Variants in KCNH5 observed in about 807,000 individuals in gnomAD.
KCNH5 encodes potassium voltage-gated channel subfamily H member 5.
A neutral mutation model predicts 96.1 loss-of-function variants in KCNH5; 46 were observed. That is an observed-to-expected ratio of 0.48 (90% CI 0.38 to 0.61). KCNH5 has a LOEUF of 0.61. KCNH5 is among the 20% of genes least tolerant of loss of function. The probability of loss-of-function intolerance (pLI) is 0.00; values close to 1 mark genes in which losing one functional copy is unlikely to be tolerated. For synonymous variants in KCNH5, 439 were observed against 449.8 expected, an observed-to-expected ratio of 0.98 and a Z score of 0.30; for missense variants, 907 against 1,225.8, an observed-to-expected ratio of 0.74 and a Z score of 3.88.
chr14:62,862,220 A>G (rs1888050265), intron 7 of KCNH5, among the ~76,000 whole-genome samples: 1 of 152,218 alleles, frequency 6.6e-6, no homozygotes, highest in Non-Finnish European at 1.5e-5. Context: ...ACTTAAAATA[A>G]TACTGAAATT....
intron 9 of KCNH5, among the ~76,000 whole-genome samples, chr14:62,796,706 C>T (rs1336813510): frequency 6.6e-6 from 1 of 152,176 alleles, no homozygotes. Context: ...CGTGACACAT[C>T]CTCAGGAAGT....
At chr14:62,786,522 T>A (rs1431756727) in intron 9 of KCNH5, among the ~76,000 whole-genome samples, 2 of 152,130 alleles carry the variant, frequency 1.3e-5, no homozygotes, top group Non-Finnish European at 2.9e-5. Context: ...ATATTTTTGA[T>A]TGTGTGTGAG....
At chr14:62,780,803 G>T (rs967183580) in intron 9 of KCNH5, among the ~76,000 whole-genome samples, 4 of 152,128 alleles carry the variant, frequency 2.6e-5, no homozygotes, top group African/African-American at 9.7e-5. Flanking sequence ...AAAGCCCCTG[G>T]TTTCTGAAGT....
At chr14:62,715,323 C>T (rs575787860) in intron 10 of KCNH5, among the ~76,000 whole-genome samples, 102 of 152,218 alleles carry the variant, frequency 6.7e-4, no homozygotes, top group Non-Finnish European at 5.4e-4. Context: ...ATCTGTGAAT[C>T]GACTAGGAAT....
At chr14:62,749,745 C>T (rs1319320549) in intron 10 of KCNH5, among the ~76,000 whole-genome samples, 1 of 152,198 alleles carries the variant, frequency 6.6e-6, no homozygotes, top group Non-Finnish European at 1.5e-5. Flanking sequence ...GTAATAAAGA[C>T]AGCCAGGTTT....
chr14:62,772,656 AAAGT>A (rs964442200), intron 10 of KCNH5, among the ~76,000 whole-genome samples: 1 of 151,606 alleles, frequency 6.6e-6, no homozygotes, highest in African/African-American at 2.4e-5. Context: ...AAAAAAAAAA[AAAGT>A]AGCAGTTTTT....
intron 7 of KCNH5, among the ~76,000 whole-genome samples, chr14:62,862,663 T>C (rs553710572): frequency 6.6e-6 from 1 of 152,330 alleles, no homozygotes; most frequent in South Asian, 2.1e-4. Context: ...GCCTTTACTC[T>C]CTTAGGATGC....
chr14:62,772,963 CTTCACTATTAGT>C (rs1445519227), intron 10 of KCNH5, among the ~76,000 whole-genome samples: 2 of 152,168 alleles, frequency 1.3e-5, no homozygotes, highest in African/African-American at 4.8e-5. Flanking sequence ...TTTGTTTTGG[CTTCACTATTAGT>C]TTTATCCTGA....
At chr14:62,939,226 A>G (rs1173712549) in intron 7 of KCNH5, among the ~76,000 whole-genome samples, 1 of 152,132 alleles carries the variant, frequency 6.6e-6, no homozygotes, top group African/African-American at 2.4e-5. Context: ...CTTTGTTAGC[A>G]ACAGACTCTC....
chr14:62,849,896 GA>G (rs752775878), intron 7 of KCNH5, 44 bp from the exon 8 acceptor site: 8 of 1,431,850 alleles, frequency 5.6e-6, no homozygotes, highest in Non-Finnish European at 6.8e-6. Flanking sequence ...TATCTCATGT[GA>G]AAAAAATACA....
At chr14:62,872,017 A>G (rs2140067198) in intron 7 of KCNH5, among the ~76,000 whole-genome samples, 1 of 152,292 alleles carries the variant, frequency 6.6e-6, no homozygotes, top group Non-Finnish European at 1.5e-5. Flanking sequence ...CCTTTTGAAT[A>G]GTAAATTTCT....
chr14:62,998,071 A>G (rs1356749628), intron 4 of KCNH5, among the ~76,000 whole-genome samples: 3 of 152,056 alleles, frequency 2.0e-5, no homozygotes, highest in Non-Finnish European at 4.4e-5. Context: ...TTTCTTCCCT[A>G]AACGTATGGT....
At chr14:62,963,218 C>A (rs1414741622) in intron 6 of KCNH5, among the ~76,000 whole-genome samples, 1 of 152,042 alleles carries the variant, frequency 6.6e-6, no homozygotes, top group African/African-American at 2.4e-5. Context: ...TTGTTTATTT[C>A]TTACTGTGCC....
intron 10 of KCNH5, among the ~76,000 whole-genome samples, chr14:62,736,407 A>AT (rs973717508): frequency 1.3e-5 from 2 of 151,954 alleles, no homozygotes; most frequent in African/African-American, 4.8e-5. Context: ...AATAAAAAAA[A>AT]AAAGCTGTCT....
rs145258776 is a variant in KCNH5, at chr14:62,699,657, A to G, written c.*7851T>C. 191 of 152,342 alleles carry G rather than the reference A, an allele frequency of 1.3e-3. No homozygotes were observed. The highest frequency in any genetic ancestry group is 4.4e-3 in the African/African-American group (185 of 41,590). 9.4% of individuals were successfully genotyped at this position (152,342 alleles called of 1,614,324 possible). A position where few individuals can be genotyped will look rare whatever the true frequency, so the allele number is the denominator to read the frequency against. On this transcript the variant is annotated 3_prime_UTR_variant, in exon 11 of 11. Transcript: ENST00000322893. Reference sequence around the variant, plus strand: ...ACCATTTTTTGAGAACAAACGTTAAATAAAGTGATAATCACCACAAACTTC... The same window carrying G: ...ACCATTTTTTGAGAACAAACGTTAAGTAAAGTGATAATCACCACAAACTTC...
rs1462999350 is a variant in KCNH5, at chr14:63,005,221, AATAAG to A, written c.304+1140_304+1144del. Among the ~76,000 whole-genome samples, 5 of 152,312 alleles carry A rather than the reference AATAAG, an allele frequency of 3.3e-5. No individual in the cohort carries two copies. The South Asian group carries it at 1.0e-3, about 32-fold the overall frequency. Reference sequence around the variant, plus strand: ...TCTTTGGGCTTGATGTAAAATGAAAAATAAGATAAGCCATTCCTTAAGTAAAATTA... The same window carrying A: ...TCTTTGGGCTTGATGTAAAATGAAAAATAAGCCATTCCTTAAGTAAAATTA... On this transcript the variant is annotated intron_variant, in intron 3 of 10. Transcript: ENST00000322893.
chr14:62,832,493 T>C (rs1354194029), intron 8 of KCNH5, among the ~76,000 whole-genome samples: 1 of 152,166 alleles, frequency 6.6e-6, no homozygotes, highest in Non-Finnish European at 1.5e-5. Flanking sequence ...GCAGATTTTC[T>C]TTTTCCACTT....
intron 7 of KCNH5, among the ~76,000 whole-genome samples, chr14:62,890,506 T>C (rs1465677515): frequency 6.6e-6 from 1 of 150,648 alleles, no homozygotes; most frequent in African/African-American, 2.4e-5. Flanking sequence ...CCATCCCGGC[T>C]AACACGGTGA....
chr14:62,730,182 T>G (rs1436050714), intron 10 of KCNH5, among the ~76,000 whole-genome samples: 1 of 152,216 alleles, frequency 6.6e-6, no homozygotes. Context: ...GCTTCCAGAT[T>G]GTGCAAGAAT....
Sources: allele counts gnomAD v4.1 joint callset (sites outside exome capture counted in the v4.1 genomes callset), GRCh38; gene constraint gnomAD v4.1.1; transcripts MANE v1.5; gene names NCBI Gene and HGNC (gene_info 2026-07-23, HGNC 2026-07-21).